The following MYO15B variants were observed in gnomAD, a reference collection of about 807,000 sequenced individuals.
MYO15B encodes the protein myosin XVB pseudogene.
Under a neutral mutation model 119.3 loss-of-function variants are expected in MYO15B, and 207 were observed. The observed-to-expected ratio is 1.73, with a 90% confidence interval of 1.55 to 1.95. The LOEUF is 1.95. MYO15B is among the 30% of genes most tolerant of loss of function. The probability of loss-of-function intolerance (pLI) is 0.00; values close to 1 mark genes in which losing one functional copy is unlikely to be tolerated. For missense variants in MYO15B, 2,264 were observed against 1,203.1 expected (o/e 1.88, Z -13.04); for synonymous variants, 966 against 498.9 (o/e 1.94, Z -12.48).
At chr17:75,601,623 T>A in intron 15 of MYO15B, 60 bp downstream of exon 15, 1 of 681,518 alleles carries the variant, frequency 1.5e-6, no homozygotes, top group Admixed American at 2.0e-5. Flanking sequence ...CCTCCCAAGC[T>A]GAGTCACCCG....
intron 12 of MYO15B, among the ~76,000 whole-genome samples, chr17:75,595,602 G>A (rs1333115729): frequency 1.3e-5 from 2 of 152,254 alleles, no homozygotes; most frequent in African/African-American, 4.8e-5. Context: ...CCATGAGAGA[G>A]CTGTGTGCTC....
chr17:75,591,430 G>A (rs1341021870), intron 4 of MYO15B, 171 bp from the exon 5 acceptor site: 1 of 617,800 alleles, frequency 1.6e-6, no homozygotes, highest in Non-Finnish European at 2.9e-6. Context: ...GCATCTTGGG[G>A]ACTTTTTCTT....
chr17:75,612,059 C>CT, intron 25 of MYO15B, 43 bp downstream of exon 25: 1 of 699,638 alleles, frequency 1.4e-6, no homozygotes, highest in Non-Finnish European at 2.6e-6. Context: ...CCTCACCGCT[C>CT]TGAGTTAGCA....
chr17:75,596,898 A>C (rs1438478841), exon 14 of MYO15B: 4 of 699,620 alleles, frequency 5.7e-6, no homozygotes, highest in Non-Finnish European at 1.0e-5. Context: ...TGGCTGTCCC[A>C]GGTAAGGGCC....
intron 15 of MYO15B, 36 bp downstream of exon 15, chr17:75,601,599 C>T (rs970008975): frequency 1.0e-5 from 7 of 695,550 alleles, no homozygotes; most frequent in African/African-American, 1.7e-5. Context: ...GGTGAATCAG[C>T]GAGGGCAGTG....
rs1336261356 is a variant in MYO15B at position 75,623,942 on chromosome 17, C to T, written c.8157-7C>T. 4 of 702,846 alleles carry T rather than the reference C, an allele frequency of 5.7e-6. No individual in the cohort carries two copies. Among genetic ancestry groups the T allele is most frequent in the Non-Finnish European group, 1.0e-5 (4 of 384,998 alleles). The allele number at this position is 702,846 out of a possible 1,614,324, so 43.5% of individuals were successfully genotyped here. A position where few individuals can be genotyped will look rare whatever the true frequency, so the allele number is the denominator to read the frequency against. On this transcript the variant is annotated splice_polypyrimidine_tract_variant and splice_region_variant and intron_variant, in intron 54 of 63. Coordinates refer to ENST00000645453, the Ensembl canonical transcript of MYO15B. ...CCAGCCTGAAGCCCGAGCGCTCTGC[C>T]CTGCAGGGAACACTGCACTCGAGGC...
At position 75,591,154 on chromosome 17, in the gene MYO15B, C is replaced by T. The variant is rs1242058195; in HGVS notation, c.2361-18C>T. On this transcript the variant is annotated intron_variant, in intron 3 of 63. Transcript: ENST00000645453. ...GGTCCCAGGTCCCCATGTCTGGCAA[C>T]CTTCTCATCTCCCTCAGACACATCT... 1.4e-6 allele frequency: 1 copy of T among 702,876 alleles called. No individual in the cohort carries two copies. Among genetic ancestry groups the T allele is most frequent in the South Asian group, 1.5e-5 (1 of 67,602 alleles). 43.5% of individuals were successfully genotyped at this position (702,876 alleles called of 1,614,324 possible). A position where few individuals can be genotyped will look rare whatever the true frequency, so the allele number is the denominator to read the frequency against.
rs1465770910 is a variant in MYO15B at position 75,589,390 on chromosome 17, G to A, written c.1333G>A (p.Gly445Arg). The A allele has an allele frequency of 2.6e-6, 1 of 381,330 alleles. No individual in the cohort carries two copies. The highest frequency in any genetic ancestry group is 5.1e-5 in the Admixed American group (1 of 19,450). The allele number at this position is 381,330 out of a possible 1,614,324, so 23.6% of individuals were successfully genotyped here. A position where few individuals can be genotyped will look rare whatever the true frequency, so the allele number is the denominator to read the frequency against. Residue 445 changes from glycine to arginine, a missense_variant, in exon 1 of 64, where the codon GGG (glycine) becomes AGG (arginine). By Grantham distance (125) the Gly-to-Arg change is moderately radical. Coordinates refer to ENST00000645453, the Ensembl canonical transcript of MYO15B. This position sits in a 1 kb window ranked among gnomAD's most constrained non-coding sequence, Gnocchi z 4.2. ...GCGAGGGGACGAGGGTCGGGGCCGCGGGAAAGCGGACGAAGGGCGGGGCCA... is the reference window on the plus strand; with the variant it reads ...GCGAGGGGACGAGGGTCGGGGCCGCAGGAAAGCGGACGAAGGGCGGGGCCA...
chr17:75,623,703 G>A, intron 53 of MYO15B, 78 bp from the exon 54 acceptor site: 2 of 692,062 alleles, frequency 2.9e-6, no homozygotes, highest in Non-Finnish European at 5.3e-6. Flanking sequence ...CCATGGCCTA[G>A]CAGGGTTTCT....
At chr17:75,607,192 A>T (rs2057711044) in intron 21 of MYO15B, 1 of 379,360 alleles carries the variant, frequency 2.6e-6, no homozygotes, top group Non-Finnish European at 4.7e-6. Flanking sequence ...CATCCCGCAA[A>T]CAGAAACTCT....
intron 19 of MYO15B, among the ~76,000 whole-genome samples, chr17:75,604,611 C>A (rs944612138): frequency 4.8e-5 from 7 of 144,778 alleles, no homozygotes; most frequent in Non-Finnish European, 1.0e-4. Context: ...GAGACGAAGG[C>A]CTTGGGAACC....
At chr17:75,611,636 C>A (rs148285244) in exon 24 of MYO15B, 6 of 702,686 alleles carry the variant, frequency 8.5e-6, no homozygotes, top group Non-Finnish European at 1.6e-5. Context: ...CTGAGCTGGC[C>A]GTCATGCTGA....
chr17:75,589,470 C>CCGCCG lies in MYO15B; in HGVS notation c.1413_1414insCGCCG (p.Glu472ArgfsTer28), dbSNP rs2056297102. 1.8e-5 allele frequency: 7 copies of CCGCCG among 392,962 alleles called. No individual in the cohort carries two copies. The highest frequency in any genetic ancestry group is 1.1e-4 in the African/African-American group (5 of 47,292). The allele number at this position is 392,962 out of a possible 1,614,324, so 24.3% of individuals were successfully genotyped here. ...GGAAAGCGGACGAGGGGCGGGGTCA[C>CCGCCG]GAGAGAGGTGACGAGGGCCGGGACC... On this transcript the variant is annotated frameshift_variant, in exon 1 of 64. Transcript: ENST00000645453. LOFTEE classifies it high-confidence loss of function. This position sits in a 1 kb window ranked among gnomAD's most constrained non-coding sequence, Gnocchi z 4.2.
At chr17:75,592,804 C>T in exon 9 of MYO15B, 1 of 702,662 alleles carries the variant, frequency 1.4e-6, no homozygotes, top group East Asian at 2.7e-5. Context: ...TGGCCGCCAT[C>T]CTGCAGCTGG....
At chr17:75,592,171 T>C in intron 6 of MYO15B, 67 bp from the exon 7 acceptor site, 1 of 701,340 alleles carries the variant, frequency 1.4e-6, no homozygotes, top group Non-Finnish European at 2.6e-6. Context: ...CTGGTAGGGC[T>C]TCTTCTGCAC....
chr17:75,609,514 C>G (rs1028770991), intron 21 of MYO15B, among the ~76,000 whole-genome samples: 7 of 90,668 alleles, frequency 7.7e-5, no homozygotes, highest in South Asian at 3.5e-4. Flanking sequence ...TTTTTTTGGT[C>G]AGTGTGCATA....
chr17:75,613,961 G>C, intron 29 of MYO15B, 184 bp downstream of exon 29: 2 of 579,032 alleles, frequency 3.5e-6, no homozygotes, highest in East Asian at 2.8e-5. Flanking sequence ...GAGCTCCCAC[G>C]GCAGATTCTA....
chr17:75,591,171 G>C lies in MYO15B; in HGVS notation c.2361-1G>C, dbSNP rs891663489. The C allele has an allele frequency of 8.5e-6, 6 of 702,940 alleles. No homozygotes were observed. Among genetic ancestry groups the C allele is most frequent in the Non-Finnish European group, 1.6e-5 (6 of 384,958 alleles). 43.5% of individuals were successfully genotyped at this position (702,940 alleles called of 1,614,324 possible). A position where few individuals can be genotyped will look rare whatever the true frequency, so the allele number is the denominator to read the frequency against. ...TCTGGCAACCTTCTCATCTCCCTCA[G>C]ACACATCTTTGCCATCGTGGCATCA... On this transcript the variant is annotated splice_acceptor_variant, in intron 3 of 63. Transcript: ENST00000645453. LOFTEE classifies it high-confidence loss of function.
intron 9 of MYO15B, 114 bp downstream of exon 9, chr17:75,592,954 G>C (rs1199213081): frequency 1.6e-6 from 1 of 607,828 alleles, no homozygotes. Flanking sequence ...GGGCTGCCCT[G>C]AAAAGTGGGT....
Sources: allele counts gnomAD v4.1 joint callset (sites outside exome capture counted in the v4.1 genomes callset), GRCh38; gene constraint gnomAD v4.1.1; non-coding constraint Gnocchi (gnomAD v3.1); transcripts MANE v1.5; gene names NCBI Gene and HGNC (gene_info 2026-07-23, HGNC 2026-07-21).